PRDM11: variants seen among roughly 807,000 people sequenced by gnomAD.
The protein encoded by PRDM11 is PR domain-containing protein 11.
PRDM11 carries 20 observed loss-of-function variants against 97.8 expected under a neutral mutation model. The observed-to-expected ratio is 0.20, with a 90% CI of 0.14 to 0.30. The LOEUF (loss-of-function observed/expected upper bound fraction) is 0.30. PRDM11 is among the 10% of genes least tolerant of loss of function. The probability of loss-of-function intolerance (pLI) is 1.00; values close to 1 mark genes in which losing one functional copy is unlikely to be tolerated. For missense variants in PRDM11, 1,139 were observed against 1,555.2 expected (o/e 0.73, Z 4.50); for synonymous variants, 599 against 637.7 (o/e 0.94, Z 0.91).
At chr11:45,094,245 G>A (rs1851851959), upstream of PRDM11, among the ~76,000 whole-genome samples, 1 of 152,190 alleles carries the variant, frequency 6.6e-6, no homozygotes, top group Non-Finnish European at 1.5e-5. Flanking sequence ...AGGGTAGTGG[G>A]TGGCAGGTAG....
intron 1 of PRDM11, among the ~76,000 whole-genome samples, chr11:45,130,666 G>A (rs1590362846): frequency 6.6e-6 from 1 of 152,272 alleles, no homozygotes; most frequent in East Asian, 1.9e-4. Flanking sequence ...CGTATTAAGT[G>A]TACACCAAAT....
At chr11:45,204,356 C>T (rs1207957159) in intron 4 of PRDM11, among the ~76,000 whole-genome samples, 9 of 152,146 alleles carry the variant, frequency 5.9e-5, no homozygotes, top group Admixed American at 1.3e-4. Flanking sequence ...AGTTGCAGTG[C>T]GAGGCCAGTG....
intron 5 of PRDM11, among the ~76,000 whole-genome samples, chr11:45,209,856 G>A (rs951840290): frequency 1.3e-5 from 2 of 152,194 alleles, no homozygotes; most frequent in African/African-American, 4.8e-5. Flanking sequence ...TGGCTCCACT[G>A]GGGACTGGGG....
intron 4 of PRDM11, among the ~76,000 whole-genome samples, chr11:45,204,333 GT>G (rs1341895193): frequency 6.6e-6 from 1 of 152,206 alleles, no homozygotes; most frequent in Non-Finnish European, 1.5e-5. Context: ...AGAAGGATTG[GT>G]TTAGCCTTTG....
At chr11:45,126,203 A>G (rs1050322635) in intron 1 of PRDM11, among the ~76,000 whole-genome samples, 3 of 151,794 alleles carry the variant, frequency 2.0e-5, no homozygotes, top group African/African-American at 4.8e-5. Context: ...ATCTTCCTCC[A>G]TCCCTTTATT....
intron 5 of PRDM11, among the ~76,000 whole-genome samples, chr11:45,205,954 C>G (rs1853494529): frequency 6.6e-6 from 1 of 152,180 alleles, no homozygotes; most frequent in Non-Finnish European, 1.5e-5. Flanking sequence ...CCAGCGGGCC[C>G]CCTGCCTTGC....
At chr11:45,136,039 T>C (rs1455158171) in intron 1 of PRDM11, among the ~76,000 whole-genome samples, 2 of 152,240 alleles carry the variant, frequency 1.3e-5, no homozygotes, top group African/African-American at 2.4e-5. Context: ...GAATAATCTA[T>C]GAACTTAATG....
chr11:45,099,762 T>C (rs1381813678), intron 1 of PRDM11, among the ~76,000 whole-genome samples: 1 of 152,216 alleles, frequency 6.6e-6, no homozygotes, highest in Non-Finnish European at 1.5e-5. Context: ...AATTAAGTTA[T>C]TACTTACTGT....
intron 5 of PRDM11, chr11:45,208,884 C>T (rs1202064070): frequency 2.2e-6 from 1 of 446,468 alleles, no homozygotes; most frequent in Non-Finnish European, 4.5e-6. Flanking sequence ...GAATGTGGCA[C>T]ACCTGGCTGA....
intron 1 of PRDM11, among the ~76,000 whole-genome samples, chr11:45,174,484 A>G (rs55706564): frequency 5.3e-5 from 8 of 152,230 alleles, no homozygotes; most frequent in Non-Finnish European, 1.0e-4. Context: ...AAACAAAAAT[A>G]AAAACAGGTA....
intron 4 of PRDM11, among the ~76,000 whole-genome samples, chr11:45,187,261 T>A (rs1852737870): frequency 6.6e-6 from 1 of 152,106 alleles, no homozygotes; most frequent in South Asian, 2.1e-4. Flanking sequence ...TGGAGATGGA[T>A]CTTGTCTTGA....
intron 1 of PRDM11, among the ~76,000 whole-genome samples, chr11:45,113,250 G>A (rs1852223094): frequency 6.6e-6 from 1 of 152,086 alleles, no homozygotes; most frequent in Admixed American, 6.6e-5. Context: ...TTATCAAAGA[G>A]CAGTTGGCTG....
Position 45,228,129 on chromosome 11 carries a change from C to A in PRDM11, c.3504C>A (p.Asp1168Glu). 1.3e-6 allele frequency: 2 copies of A among 1,529,462 alleles called. No individual in the cohort carries two copies. Among genetic ancestry groups the A allele is most frequent in the Non-Finnish European group, 1.7e-6 (2 of 1,143,486 alleles). The allele number at this position is 1,529,462 out of a possible 1,614,324, so 94.7% of individuals were successfully genotyped here. A position where few individuals can be genotyped will look rare whatever the true frequency, so the allele number is the denominator to read the frequency against. ...LEQKPALQTM[D>E]HGTEFYPDI ...AGAAGCCAGCACTACAGACCATGGA[C>A]CACGGGACGGAGTTTTACCCCGACA... is the stretch of plus-strand genomic sequence containing the variant. The change falls in exon 8 of 8, where the codon GAC (aspartate) becomes GAA (glutamate). Residue 1168 changes from aspartate to glutamate, a missense_variant. Asp to Glu is a conservative substitution (Grantham distance 45). Around this residue, in one of 2 missense-constraint regions of PRDM11, gnomAD observed 710 missense variants for 1,044.9 expected, o/e 0.68. Transcript: ENST00000683152.
chr11:45,165,705 T>C (rs1024457718), intron 1 of PRDM11, among the ~76,000 whole-genome samples: 6 of 152,244 alleles, frequency 3.9e-5, no homozygotes, highest in African/African-American at 1.4e-4. Flanking sequence ...TCCACGTTTT[T>C]ACATGGAATC....
At chr11:45,174,569 T>C (rs1018621871) in intron 1 of PRDM11, among the ~76,000 whole-genome samples, 8 of 152,224 alleles carry the variant, frequency 5.3e-5, no homozygotes, top group Non-Finnish European at 7.3e-5. Context: ...GTTCATCAAA[T>C]ATGCATCAAG....
chr11:45,191,911 A>G (rs1367077565), intron 4 of PRDM11, among the ~76,000 whole-genome samples: 5 of 152,088 alleles, frequency 3.3e-5, no homozygotes, highest in Admixed American at 1.3e-4. Context: ...TACATGTGCC[A>G]TGGTGGTTTG....
chr11:45,148,917 G>A (rs973914407), intron 1 of PRDM11, among the ~76,000 whole-genome samples: 15 of 152,094 alleles, frequency 9.9e-5, no homozygotes, highest in African/African-American at 3.1e-4. Flanking sequence ...AGTGGCCAAA[G>A]GTGTCCATAA....
At position 45,230,535 on chromosome 11, in the gene PRDM11, C is replaced by T. The variant is rs570309840; in HGVS notation, c.*2376C>T. On this transcript the variant is annotated 3_prime_UTR_variant, in exon 8 of 8. Transcript: ENST00000683152. ...GCAAAGCACCAGGTCCCACCTGGCC[C>T]AGCCCCAGCCTTGGGACTTCCTCTC... 7 of 152,422 alleles carry T rather than the reference C, an allele frequency of 4.6e-5. No individual in the cohort carries two copies. In the East Asian group the frequency reaches 1.4e-3, roughly 29 times the overall value. 9.4% of individuals were successfully genotyped at this position (152,422 alleles called of 1,614,324 possible).
intron 4 of PRDM11, 62 bp downstream of exon 4, chr11:45,183,185 G>T: frequency 6.5e-7 from 1 of 1,548,070 alleles, no homozygotes; most frequent in Non-Finnish European, 8.7e-7. Context: ...GAAACCACCA[G>T]GGGGAGCCAT....
Sources: gnomAD v4.1 joint callset for allele counts (sites outside exome capture counted in the v4.1 genomes callset) on GRCh38, gnomAD v4.1.1 for gene constraint, gnomAD v4.1.1 regional missense constraint, MANE v1.5 for transcripts, NCBI Gene and HGNC (gene_info 2026-07-23, HGNC 2026-07-21) for gene names.